MTUS2: variants seen among roughly 807,000 people sequenced by gnomAD.
MTUS2 encodes microtubule associated scaffold protein 2.
A neutral mutation model predicts 114.1 loss-of-function variants in MTUS2; 40 were observed. The ratio of observed to expected loss-of-function variants is 0.35; its 90% CI spans 0.27 to 0.46. MTUS2 has a LOEUF of 0.46. Among genes scored for constraint, MTUS2 ranks in the 20% least tolerant of loss-of-function variants. MTUS2 has a pLI of 1.00. For missense variants in MTUS2, 1,679 were observed against 1,705.4 expected (o/e 0.98, Z 0.27); for synonymous variants, 688 against 672.0 (o/e 1.02, Z -0.37).
At chr13:29,208,810 C>A (rs1203924939) in intron 5 of MTUS2, among the ~76,000 whole-genome samples, 2 of 152,040 alleles carry the variant, frequency 1.3e-5, no homozygotes, top group Non-Finnish European at 2.9e-5. Flanking sequence ...GATATAACTT[C>A]AATTTTCTGA....
At chr13:29,420,658 T>C (rs3121760) in intron 8 of MTUS2, among the ~76,000 whole-genome samples, 150,626 of 152,286 alleles carry the variant, frequency 0.99, 74,523 homozygotes, top group Middle Eastern at 1. Flanking sequence ...TTCTTTCTAT[T>C]TAACGTATGT....
chr13:29,130,801 T>A (rs1891729410), intron 5 of MTUS2, among the ~76,000 whole-genome samples: 1 of 152,082 alleles, frequency 6.6e-6, no homozygotes. Flanking sequence ...AATTTTTGTA[T>A]TTTTAGTAGA....
chr13:28,845,109 A>C (rs1288869086), intron 2 of MTUS2, among the ~76,000 whole-genome samples: 1 of 152,036 alleles, frequency 6.6e-6, no homozygotes, highest in Non-Finnish European at 1.5e-5. Flanking sequence ...AAGTGTCACC[A>C]GGCCTGGCCA....
chr13:29,395,885 A>G (rs1873880026), intron 8 of MTUS2, among the ~76,000 whole-genome samples: 1 of 152,222 alleles, frequency 6.6e-6, no homozygotes, highest in African/African-American at 2.4e-5. Context: ...AAAATTTATT[A>G]TCAGTACACT....
chr13:28,894,536 A>C (rs571091911), intron 2 of MTUS2, among the ~76,000 whole-genome samples: 58 of 152,330 alleles, frequency 3.8e-4, no homozygotes, highest in African/African-American at 1.3e-3. Context: ...TGAGCCAGCC[A>C]GTCTGTCCAC....
chr13:29,409,571 C>A (rs2138538604), intron 8 of MTUS2, among the ~76,000 whole-genome samples: 1 of 152,208 alleles, frequency 6.6e-6, no homozygotes, highest in South Asian at 2.1e-4. Flanking sequence ...CACATTGGTT[C>A]TCCTATTGTT....
intron 2 of MTUS2, among the ~76,000 whole-genome samples, chr13:28,971,534 T>TC (rs1247829323): frequency 3.8e-4 from 58 of 152,238 alleles, no homozygotes; most frequent in African/African-American, 1.4e-3. Context: ...ACTTCAACAG[T>TC]AAGAGCTATA....
At position 29,175,774 on chromosome 13, in the gene MTUS2, C is replaced by CTT. The variant is rs11409692; in HGVS notation, c.2644+74814_2644+74815dup. Among the ~76,000 whole-genome samples, 347 of 149,080 alleles carry CTT rather than the reference C, an allele frequency of 2.3e-3. 2 individuals are homozygous for CTT. Among genetic ancestry groups the CTT allele is most frequent in the African/African-American group, 6.4e-3 (262 of 40,768 alleles). ...ATTTAGAGTCTCAACAATAGGTTTT[C>CTT]TTTTTTTTTTTCTGGAAACTCACAA... On this transcript the variant is annotated intron_variant, in intron 5 of 15. Coordinates refer to ENST00000612955, the MANE Select transcript of MTUS2 (RefSeq NM_001033602.4).
At chr13:29,074,767 C>T (rs566327695) in intron 4 of MTUS2, among the ~76,000 whole-genome samples, 17 of 152,256 alleles carry the variant, frequency 1.1e-4, no homozygotes, top group African/African-American at 3.4e-4. Context: ...TTTCCTTTCC[C>T]GGAACTAGTT....
At chr13:28,929,934 G>C (rs897141148) in intron 2 of MTUS2, among the ~76,000 whole-genome samples, 2 of 152,152 alleles carry the variant, frequency 1.3e-5, no homozygotes, top group Non-Finnish European at 2.9e-5. Flanking sequence ...GTGGAGGGGA[G>C]GGTTGGATAG....
At chr13:29,039,392 C>T (rs574016999) in intron 4 of MTUS2, among the ~76,000 whole-genome samples, 9 of 152,350 alleles carry the variant, frequency 5.9e-5, no homozygotes, top group African/African-American at 1.4e-4. Flanking sequence ...AAGCATCGCG[C>T]GCCGGGCACC....
At chr13:28,864,529 A>G (rs903411149) in intron 2 of MTUS2, among the ~76,000 whole-genome samples, 4 of 152,244 alleles carry the variant, frequency 2.6e-5, no homozygotes, top group African/African-American at 9.6e-5. Context: ...GTTAAAACAC[A>G]TTAAATTAAT....
intron 2 of MTUS2, among the ~76,000 whole-genome samples, chr13:28,849,029 AT>A (rs1204621075): frequency 6.6e-6 from 1 of 152,200 alleles, no homozygotes; most frequent in Non-Finnish European, 1.5e-5. Flanking sequence ...CCTTGTTATG[AT>A]TTAATCCATC....
intron 5 of MTUS2, among the ~76,000 whole-genome samples, chr13:29,261,765 T>C (rs1897481267): frequency 6.6e-6 from 1 of 152,230 alleles, no homozygotes; most frequent in African/African-American, 2.4e-5. Context: ...TTAAATATTT[T>C]CCCCAAGGTA....
intron 2 of MTUS2, among the ~76,000 whole-genome samples, chr13:28,902,038 G>A (rs988477151): frequency 6.6e-6 from 1 of 152,050 alleles, no homozygotes. Context: ...TCAGCTTGAA[G>A]TTTCCGTATG....
At chr13:29,183,979 C>T (rs1050356899) in intron 5 of MTUS2, among the ~76,000 whole-genome samples, 4 of 152,066 alleles carry the variant, frequency 2.6e-5, no homozygotes, top group African/African-American at 9.7e-5. Context: ...ACAGTTTTTG[C>T]CTATTTACTT....
chr13:28,983,230 G>T (rs936204807), intron 2 of MTUS2, among the ~76,000 whole-genome samples: 1 of 152,150 alleles, frequency 6.6e-6, no homozygotes, highest in Non-Finnish European at 1.5e-5. Context: ...TATCGCTCCA[G>T]AGTGGCCCGA....
At chr13:28,932,045 C>T (rs1438541663) in intron 2 of MTUS2, among the ~76,000 whole-genome samples, 1 of 152,168 alleles carries the variant, frequency 6.6e-6, no homozygotes, top group Non-Finnish European at 1.5e-5. Flanking sequence ...ATTCCCATTT[C>T]ATTAGTTCAA....
intron 5 of MTUS2, among the ~76,000 whole-genome samples, chr13:29,174,854 A>G (rs1893706634): frequency 1.3e-5 from 2 of 152,368 alleles, no homozygotes; most frequent in Non-Finnish European, 1.5e-5. Context: ...CTTACATTTT[A>G]TAAAGTTTAA....
Sources: allele counts gnomAD v4.1 joint callset (sites outside exome capture counted in the v4.1 genomes callset), GRCh38; gene constraint gnomAD v4.1.1; transcripts MANE v1.5; gene names NCBI Gene and HGNC (gene_info 2026-07-23, HGNC 2026-07-21).